Variants in TRMT61B observed in about 807,000 individuals in gnomAD.
TRMT61B encodes tRNA methyltransferase 61B.
Under a neutral mutation model 52.0 loss-of-function variants are expected in TRMT61B, and 56 were observed. The ratio of observed to expected loss-of-function variants is 1.08; its 90% CI spans 0.87 to 1.35. The LOEUF (loss-of-function observed/expected upper bound fraction) is 1.35. TRMT61B is among the 40% of genes most tolerant of loss of function. The pLI, the probability that TRMT61B is intolerant of heterozygous loss-of-function variation, is 0.00. For missense variants in TRMT61B, 650 were observed against 577.9 expected (o/e 1.12, Z -1.28); for synonymous variants, 206 against 220.0 (o/e 0.94, Z 0.56).
chr2:28,856,171 C>T (rs1669331477), intron 3 of TRMT61B, among the ~76,000 whole-genome samples: 1 of 151,884 alleles, frequency 6.6e-6, no homozygotes, highest in Admixed American at 6.6e-5. Context: ...AAACCAGAAA[C>T]TTAAGAGTCA....
intron 1 of TRMT61B, among the ~76,000 whole-genome samples, chr2:28,866,962 A>AT (rs539412637): frequency 6.7e-5 from 10 of 148,384 alleles, no homozygotes; most frequent in South Asian, 2.1e-4. Flanking sequence ...TGCCCAACTA[A>AT]TTTTTTTTTT....
Position 28,850,412 on chromosome 2 carries a change from T to TA in TRMT61B, c.1313-8dup. On this transcript the variant is annotated splice_polypyrimidine_tract_variant and splice_region_variant and intron_variant, in intron 5 of 6. Transcript: ENST00000306108. ...AAATCAGAATGCGATTCTTCTGTTG[T>TA]AAAAAAATATATGTACTATAAGCTA... The TA allele has an allele frequency of 1.3e-6, 2 of 1,569,248 alleles. No homozygotes were observed. Among genetic ancestry groups the TA allele is most frequent in the Non-Finnish European group, 1.7e-6 (2 of 1,145,736 alleles).
intron 3 of TRMT61B, among the ~76,000 whole-genome samples, chr2:28,854,959 GA>G (rs1341626785): frequency 6.6e-6 from 1 of 152,022 alleles, no homozygotes; most frequent in Non-Finnish European, 1.5e-5. Context: ...GAAAGAAAGG[GA>G]CAGGTCAGGG....
chr2:28,857,964 A>G (rs1261835934), intron 3 of TRMT61B, among the ~76,000 whole-genome samples: 2 of 152,084 alleles, frequency 1.3e-5, no homozygotes, highest in Admixed American at 6.5e-5. Flanking sequence ...TGATGTAGCT[A>G]GAGTACATTT....
At chr2:28,868,187 T>C (rs1315861099) in intron 1 of TRMT61B, among the ~76,000 whole-genome samples, 1 of 152,172 alleles carries the variant, frequency 6.6e-6, no homozygotes, top group Non-Finnish European at 1.5e-5. Context: ...ACAAATGGAA[T>C]AAAATACTCA....
chr2:28,858,794 C>CAAAAAAAAAAAAA (rs1033258916), intron 3 of TRMT61B, among the ~76,000 whole-genome samples: 2 of 23,596 alleles, frequency 8.5e-5, no homozygotes, highest in African/African-American at 3.1e-4. Context: ...GACTCCGTCT[C>CAAAAAAAAAAAAA]AAAAAAAAAA....
At chr2:28,865,861 A>G (rs1405242541) in intron 1 of TRMT61B, among the ~76,000 whole-genome samples, 1 of 149,862 alleles carries the variant, frequency 6.7e-6, no homozygotes, top group Non-Finnish European at 1.5e-5. Flanking sequence ...TTGTATTTTT[A>G]GTGGAGATGG....
At chr2:28,852,367 T>A (rs749232333) in intron 4 of TRMT61B, 41 bp downstream of exon 4, 9 of 1,237,926 alleles carry the variant, frequency 7.3e-6, no homozygotes, top group Non-Finnish European at 1.0e-5. Flanking sequence ...AAAAGTGCAC[T>A]TAAAAGTTAC....
intron 3 of TRMT61B, among the ~76,000 whole-genome samples, chr2:28,860,389 A>G (rs1669552942): frequency 6.6e-6 from 1 of 151,856 alleles, no homozygotes. Context: ...AAAGGAAGAA[A>G]GACTCCTAAC....
chr2:28,850,337 C>G lies in TRMT61B; in HGVS notation c.1381G>C (p.Gly461Arg). The G allele has an allele frequency of 1.2e-6, 2 of 1,609,740 alleles. No individual in the cohort carries two copies. The highest frequency in any genetic ancestry group is 1.7e-6 in the Non-Finnish European group (2 of 1,177,390). The change falls in exon 6 of 7, where the codon GGT becomes CGT. Residue 461 changes from glycine (G) to arginine (R), a missense_variant. Coordinates refer to ENST00000306108, the MANE Select transcript of TRMT61B (RefSeq NM_017910.4). ...TGAAAACATTACTCACCTGTATGAC[C>G]AGGTTGCCAGTGTACTGGTCTAGCA... Reference protein sequence around the residue: ...YVARPVHWQPGHTAFLVKLRK... With the variant: ...YVARPVHWQPRHTAFLVKLRK...
chr2:28,861,321 AT>A lies in TRMT61B; in HGVS notation c.803-14del, dbSNP rs758534329. ...CCTTGTGATCCAACTTAAGTAAAAA[AT>A]AATTTGATATTTCATAATATTAATC... On this transcript the variant is annotated splice_polypyrimidine_tract_variant and intron_variant, in intron 2 of 6. Transcript: ENST00000306108. The A allele has an allele frequency of 7.1e-6, 11 of 1,553,650 alleles. No individual in the cohort carries two copies. Among genetic ancestry groups the A allele is most frequent in the South Asian group, 4.9e-5 (4 of 81,482 alleles).
rs555715969 is a variant in TRMT61B at position 28,866,092 on chromosome 2, C to T, written c.700-973G>A. On this transcript the variant is annotated intron_variant, in intron 1 of 6. Transcript: ENST00000306108. Reference sequence around the variant, plus strand: ...GCAAGCTCCGCCTCCTGGGTTCAAGCGATTCTCCTGCTTCAGCCTCCCAAG... The same window carrying T: ...GCAAGCTCCGCCTCCTGGGTTCAAGTGATTCTCCTGCTTCAGCCTCCCAAG... Among the ~76,000 whole-genome samples the T allele has an allele frequency of 3.2e-3, 487 of 151,918 alleles. 2 individuals carry two copies. The highest frequency in any genetic ancestry group is 0.011 in the African/African-American group (444 of 41,422).
intron 4 of TRMT61B, 69 bp from the exon 5 acceptor site, chr2:28,851,367 A>G: frequency 1.9e-6 from 2 of 1,068,812 alleles, no homozygotes; most frequent in South Asian, 1.7e-5. Flanking sequence ...AGTTCCCTAT[A>G]CCTCTTGCCC....
intron 5 of TRMT61B, 55 bp from the exon 6 acceptor site, chr2:28,850,460 TC>T: frequency 8.3e-7 from 1 of 1,198,148 alleles, no homozygotes. Flanking sequence ...TCTATTTTTT[TC>T]ACAAAACTGT....
At chr2:28,863,781 T>G (rs1184372565) in intron 2 of TRMT61B, among the ~76,000 whole-genome samples, 2 of 152,160 alleles carry the variant, frequency 1.3e-5, no homozygotes, top group African/African-American at 4.8e-5. Flanking sequence ...TGTGAAGACA[T>G]TAGGTCAAAG....
At chr2:28,869,508 A>C in intron 1 of TRMT61B, 71 bp downstream of exon 1, 1 of 1,059,052 alleles carries the variant, frequency 9.4e-7, no homozygotes. Flanking sequence ...GAATACATTA[A>C]TCAGGACTGA....
At chr2:28,850,511 T>A (rs1409225264) in intron 5 of TRMT61B, 106 bp from the exon 6 acceptor site, 2 of 736,796 alleles carry the variant, frequency 2.7e-6, no homozygotes, top group African/African-American at 3.7e-5. Flanking sequence ...GTTTTTTCTT[T>A]ATTTATTTCC....
At chr2:28,851,626 T>C (rs183973267) in intron 4 of TRMT61B, among the ~76,000 whole-genome samples, 22 of 152,274 alleles carry the variant, frequency 1.4e-4, no homozygotes, top group Non-Finnish European at 3.1e-4. Context: ...ACGCCTGTAA[T>C]CCCAGCACTT....
At chr2:28,852,536 T>C in intron 3 of TRMT61B, 37 bp from the exon 4 acceptor site, 1 of 1,322,084 alleles carries the variant, frequency 7.6e-7, no homozygotes, top group Non-Finnish European at 1.1e-6. Flanking sequence ...TCAGTCTGAT[T>C]CCGTTTAAAT....
Sources: allele counts gnomAD v4.1 joint callset (sites outside exome capture counted in the v4.1 genomes callset), GRCh38; gene constraint gnomAD v4.1.1; transcripts MANE v1.5; gene names NCBI Gene and HGNC (gene_info 2026-07-23, HGNC 2026-07-21).